Variants in DYNC2H1 observed in about 807,000 individuals in gnomAD.
DYNC2H1 encodes cytoplasmic dynein 2 heavy chain 1.
A neutral mutation model predicts 570.0 loss-of-function variants in DYNC2H1; 410 were observed. The ratio of observed to expected loss-of-function variants is 0.72; its 90% CI spans 0.66 to 0.78. DYNC2H1 has a LOEUF of 0.78. Ranked by LOEUF, DYNC2H1 falls within the 30% of genes least tolerant of loss-of-function variation. The probability of loss-of-function intolerance (pLI) is 0.00; values close to 1 mark genes in which losing one functional copy is unlikely to be tolerated. For missense variants in DYNC2H1, 4,865 were observed against 5,046.4 expected, an observed-to-expected ratio of 0.96 and a Z score of 1.09; for synonymous variants, 1,688 against 1,677.6, an observed-to-expected ratio of 1.01 and a Z score of -0.15.
chr11:103,153,079 TTGAA>T (rs1860643276), intron 21 of DYNC2H1, among the ~76,000 whole-genome samples: 1 of 152,224 alleles, frequency 6.6e-6, no homozygotes, highest in African/African-American at 2.4e-5. Context: ...ATGATTTTAT[TTGAA>T]TGTTATCTCT....
chr11:103,349,288 T>C (rs757480256), intron 82 of DYNC2H1, among the ~76,000 whole-genome samples: 1 of 152,184 alleles, frequency 6.6e-6, no homozygotes, highest in Non-Finnish European at 1.5e-5. Context: ...ATAGATATTA[T>C]TTTAAAAAAT....
rs1943086188 is a variant in DYNC2H1, at chr11:103,411,518, T to C, written c.12366+11646T>C. On this transcript the variant is annotated intron_variant, in intron 84 of 88. Transcript: ENST00000375735. ...TTGTTTCTGCTGTTAATTATCTCGG[T>C]GACCTGTGGCATAAACACTTGAAAA... Among the ~76,000 whole-genome samples, 3 of 151,724 alleles carry C rather than the reference T, an allele frequency of 2.0e-5. No individual in the cohort carries two copies. The South Asian group carries it at 6.3e-4, about 32-fold the overall frequency.
chr11:103,317,710 T>A (rs1478388688), intron 80 of DYNC2H1, among the ~76,000 whole-genome samples: 1 of 136,798 alleles, frequency 7.3e-6, no homozygotes, highest in Non-Finnish European at 1.7e-5. Context: ...AACTTTCATA[T>A]GGCCTTCTTC....
At chr11:103,171,289 C>T (rs1193541667) in intron 34 of DYNC2H1, among the ~76,000 whole-genome samples, 1 of 151,660 alleles carries the variant, frequency 6.6e-6, no homozygotes, top group Non-Finnish European at 1.5e-5. Context: ...GAGTTTTGCT[C>T]TTGTTGCCCA....
Position 103,170,460 on chromosome 11 carries a change from C to T in DYNC2H1, c.5151+170C>T, listed in dbSNP as rs1359817353. On this transcript the variant is annotated intron_variant, in intron 33 of 88. Transcript: ENST00000375735. This position sits in a 1 kb window ranked among gnomAD's most constrained non-coding sequence, Gnocchi z 4.8. Reference sequence around the variant, plus strand: ...GACAGAGGTTGTACGTAGTATAGTCCAAAACTTTTCTAAGAATTATGGCAA... The same window carrying T: ...GACAGAGGTTGTACGTAGTATAGTCTAAAACTTTTCTAAGAATTATGGCAA... Among the ~76,000 whole-genome samples the T allele has an allele frequency of 6.6e-6, 1 of 151,896 alleles. No individual in the cohort carries two copies. Among genetic ancestry groups the T allele is most frequent in the Non-Finnish European group, 1.5e-5 (1 of 67,980 alleles).
In DYNC2H1 at chr11:103,205,842, G is replaced by A. The variant is rs1862902889; in HGVS notation, c.8454+878G>A. ...CTTCACCTGGAGCAGAGTGATTGAG[G>A]GGAGAGTTGGTGAAGATGATGTCAG... is the stretch of plus-strand genomic sequence containing the variant. On this transcript the variant is annotated intron_variant, in intron 52 of 88. Transcript: ENST00000375735. This position sits in a 1 kb window ranked among gnomAD's most constrained non-coding sequence, Gnocchi z 4.5. 6.6e-6 allele frequency among the ~76,000 whole-genome samples: 1 copy of A among 152,124 alleles called. No individual in the cohort carries two copies. The highest frequency in any genetic ancestry group is 6.6e-5 in the Admixed American group (1 of 15,252).
intron 82 of DYNC2H1, among the ~76,000 whole-genome samples, chr11:103,333,770 A>G (rs913908800): frequency 6.6e-6 from 1 of 152,218 alleles, no homozygotes; most frequent in Non-Finnish European, 1.5e-5. Context: ...AATAAATAGA[A>G]GAAAGTTAAT....
intron 12 of DYNC2H1, among the ~76,000 whole-genome samples, chr11:103,127,551 A>C (rs546364323): frequency 3.5e-4 from 54 of 152,334 alleles, no homozygotes; most frequent in African/African-American, 1.3e-3. Context: ...AGATCTCTAT[A>C]AAATTAGTTA....
At position 103,129,225 on chromosome 11, in the gene DYNC2H1, C is replaced by T. The variant is rs1489847576; in HGVS notation, c.1953+220C>T. 6.6e-6 allele frequency among the ~76,000 whole-genome samples: 1 copy of T among 152,106 alleles called. No individual in the cohort carries two copies. The highest frequency in any genetic ancestry group is 1.5e-5 in the Non-Finnish European group (1 of 68,004). The stretch of plus-strand genomic sequence containing the variant: ...TTTTGGTACTGATTTCGATCAATTG[C>T]ATTGATATAGATAGAAAATGATTTG... On this transcript the variant is annotated intron_variant, in intron 13 of 88. Coordinates refer to ENST00000375735, the MANE Select transcript of DYNC2H1 (RefSeq NM_001377.3). The surrounding 1 kb of genome is among the most constrained non-coding windows in gnomAD (Gnocchi z 4.1).
At position 103,114,192 on chromosome 11, in the gene DYNC2H1, A is replaced by G. The variant is rs764545396; in HGVS notation, c.456A>G (p.Ser152=). The G allele has an allele frequency of 1.6e-5, 25 of 1,602,148 alleles. 1 individual carries two copies. In the South Asian group the frequency reaches 2.5e-4, roughly 16 times the overall value. The change falls in exon 3 of 89, where the codon TCA becomes TCG. Residue 152 remains serine (S), a synonymous_variant. Transcript: ENST00000375735. ...EAGLGIVLRR[S]DTNLTKLKFK... is the part of the protein sequence containing the mutation. ...GGTTGGGTATAGTTCTACGAAGATC[A>G]GACACTAACTTAACAAAATTGAAAT...
At chr11:103,400,117 A>G (rs1469384852) in intron 84 of DYNC2H1, among the ~76,000 whole-genome samples, 2 of 152,222 alleles carry the variant, frequency 1.3e-5, no homozygotes, top group African/African-American at 4.8e-5. Flanking sequence ...CTAGTGTTAC[A>G]TATATAATGA....
intron 85 of DYNC2H1, among the ~76,000 whole-genome samples, chr11:103,437,372 C>G (rs938466551): frequency 1.3e-5 from 2 of 152,118 alleles, no homozygotes; most frequent in African/African-American, 4.8e-5. Flanking sequence ...CCTTGTTCTT[C>G]TGTCTTTTCA....
rs1205292359 is a variant in DYNC2H1 at position 103,203,819 on chromosome 11, A to T, written c.8311+43A>T. ...CATTAATCAAATCAAACTGGTTTGT[A>T]TGAAATATATATCATTTAATTTGCC... On this transcript the variant is annotated intron_variant, in intron 51 of 88. Transcript: ENST00000375735. This position sits in a 1 kb window ranked among gnomAD's most constrained non-coding sequence, Gnocchi z 4.7. 1 of 1,296,406 alleles carries T rather than the reference A, an allele frequency of 7.7e-7. No homozygotes were observed. Among genetic ancestry groups the T allele is most frequent in the African/African-American group, 1.5e-5 (1 of 67,560 alleles). 80.3% of individuals were successfully genotyped at this position (1,296,406 alleles called of 1,614,324 possible).
chr11:103,153,601 C>A, intron 22 of DYNC2H1, 93 bp downstream of exon 22: 2 of 1,129,162 alleles, frequency 1.8e-6, no homozygotes, highest in Non-Finnish European at 1.3e-6. Flanking sequence ...ATCTTGATAA[C>A]TTTCCTCATA....
chr11:103,197,578 G>C (rs1005868204), intron 47 of DYNC2H1, among the ~76,000 whole-genome samples: 1 of 152,072 alleles, frequency 6.6e-6, no homozygotes, highest in Non-Finnish European at 1.5e-5. Context: ...TTCCCAAGTA[G>C]CTAGGACCAC....
At chr11:103,207,024 C>T (rs757295503) in intron 52 of DYNC2H1, among the ~76,000 whole-genome samples, 6 of 151,898 alleles carry the variant, frequency 4.0e-5, no homozygotes, top group Admixed American at 2.0e-4. Flanking sequence ...TGGCTTCATG[C>T]GATTCTTCTG....
intron 12 of DYNC2H1, among the ~76,000 whole-genome samples, chr11:103,126,881 G>A (rs188985947): frequency 3.8e-4 from 58 of 152,204 alleles, no homozygotes; most frequent in Non-Finnish European, 6.5e-4. Flanking sequence ...CTTGTGATCC[G>A]CCTACCTTGG....
At position 103,211,859 on chromosome 11, in the gene DYNC2H1, C is replaced by A. The variant is rs1384443834; in HGVS notation, c.8610C>A (p.Ser2870Arg). ...GTAAAGCATATGGTGCTACACCAAG[C>A]CGATACATGACCTTTTTACATGTGT... Reference protein sequence around the residue: ...ESCKAYGATPSRYMTFLHVYS... With the variant: ...ESCKAYGATPRRYMTFLHVYS... Residue 2870 changes from serine to arginine, a missense_variant, in exon 54 of 89, where the codon AGC becomes AGA. By Grantham distance (110) the Ser-to-Arg change is moderately radical. Transcript: ENST00000375735. 2.6e-6 allele frequency: 4 copies of A among 1,525,968 alleles called. No individual in the cohort carries two copies. Among genetic ancestry groups the A allele is most frequent in the Non-Finnish European group, 3.5e-6 (4 of 1,133,450 alleles). The allele number at this position is 1,525,968 out of a possible 1,614,324, so 94.5% of individuals were successfully genotyped here. A position where few individuals can be genotyped will look rare whatever the true frequency, so the allele number is the denominator to read the frequency against.
intron 83 of DYNC2H1, among the ~76,000 whole-genome samples, chr11:103,394,957 C>T (rs778160563): frequency 1.3e-5 from 2 of 151,904 alleles, no homozygotes; most frequent in Admixed American, 6.6e-5. Flanking sequence ...ACTCAAAATG[C>T]TGTTTTCTTT....
Sources: gnomAD v4.1 joint callset for allele counts (sites outside exome capture counted in the v4.1 genomes callset) on GRCh38, gnomAD v4.1.1 for gene constraint, Gnocchi (gnomAD v3.1) non-coding constraint, MANE v1.5 for transcripts, NCBI Gene and HGNC (gene_info 2026-07-23, HGNC 2026-07-21) for gene names.